The following SEMA5A variants were observed in gnomAD, a reference collection of about 807,000 sequenced individuals.
SEMA5A encodes semaphorin 5A.
A neutral mutation model predicts 135.5 loss-of-function variants in SEMA5A; 55 were observed. The ratio of observed to expected loss-of-function variants is 0.41; its 90% CI spans 0.33 to 0.51. The LOEUF is 0.51. Among genes scored for constraint, SEMA5A ranks in the 20% least tolerant of loss-of-function variants. The probability of loss-of-function intolerance (pLI) is 0.37; values close to 1 mark genes in which losing one functional copy is unlikely to be tolerated. For synonymous variants in SEMA5A, 580 were observed against 546.5 expected (o/e 1.06, Z -0.85); for missense variants, 1,290 against 1,419.9 (o/e 0.91, Z 1.47).
At chr5:9,487,941 G>A (rs1207135625) in intron 1 of SEMA5A, among the ~76,000 whole-genome samples, 1 of 152,094 alleles carries the variant, frequency 6.6e-6, no homozygotes, top group Non-Finnish European at 1.5e-5. Flanking sequence ...GTCATCTTGT[G>A]TTTGGGGGGC....
intron 5 of SEMA5A, among the ~76,000 whole-genome samples, chr5:9,271,003 G>A (rs866450824): frequency 2.0e-5 from 3 of 152,134 alleles, no homozygotes; most frequent in Middle Eastern, 3.4e-3. Context: ...AACTTGATAC[G>A]GTTTTGTTCT....
intron 14 of SEMA5A, among the ~76,000 whole-genome samples, chr5:9,121,022 C>A (rs763913939): frequency 2.6e-5 from 4 of 152,172 alleles, no homozygotes; most frequent in Non-Finnish European, 5.9e-5. Flanking sequence ...AGGTGATCTG[C>A]CCACCTCAGC....
intron 1 of SEMA5A, among the ~76,000 whole-genome samples, chr5:9,493,297 CTATA>C (rs1187898571): frequency 2.2e-5 from 3 of 138,812 alleles, no homozygotes; most frequent in East Asian, 4.9e-4. Flanking sequence ...ATCTATCTAT[CTATA>C]TATATAAAAC....
intron 2 of SEMA5A, among the ~76,000 whole-genome samples, chr5:9,420,015 C>A (rs548987901): frequency 2.0e-5 from 3 of 152,232 alleles, no homozygotes; most frequent in African/African-American, 7.2e-5. Flanking sequence ...CCTCGGTGGC[C>A]ATATTGGTTC....
At chr5:9,210,571 A>G (rs117748988) in intron 8 of SEMA5A, among the ~76,000 whole-genome samples, 1 of 152,322 alleles carries the variant, frequency 6.6e-6, no homozygotes, top group East Asian at 1.9e-4. Context: ...AGAGAGATGG[A>G]GGCCATTTGT....
chr5:9,320,635 T>C (rs1250259579), intron 4 of SEMA5A, among the ~76,000 whole-genome samples: 1 of 152,194 alleles, frequency 6.6e-6, no homozygotes, highest in Non-Finnish European at 1.5e-5. Context: ...GGAGGATCCA[T>C]TGAGCCTGGG....
intron 1 of SEMA5A, among the ~76,000 whole-genome samples, chr5:9,459,014 A>G (rs1011653119): frequency 6.6e-6 from 1 of 152,236 alleles, no homozygotes; most frequent in Non-Finnish European, 1.5e-5. Flanking sequence ...ACAAGAAAAT[A>G]TGAACCAGAA....
intron 13 of SEMA5A, among the ~76,000 whole-genome samples, chr5:9,127,084 C>T (rs186913054): frequency 4.6e-4 from 70 of 152,304 alleles, no homozygotes; most frequent in African/African-American, 1.6e-3. Flanking sequence ...AACTAAATTC[C>T]TCTCACAGTT....
intron 11 of SEMA5A, among the ~76,000 whole-genome samples, chr5:9,176,650 GT>G (rs1206674424): frequency 6.6e-6 from 1 of 152,190 alleles, no homozygotes; most frequent in Non-Finnish European, 1.5e-5. Context: ...CCCCTCTGAG[GT>G]TAGCTGTCCT....
At chr5:9,279,325 A>G (rs1460055719) in intron 5 of SEMA5A, among the ~76,000 whole-genome samples, 1 of 152,114 alleles carries the variant, frequency 6.6e-6, no homozygotes, top group Non-Finnish European at 1.5e-5. Context: ...TTGGGATGTG[A>G]ATATTTGCCC....
chr5:9,412,899 C>A (rs1757154787), intron 2 of SEMA5A, among the ~76,000 whole-genome samples: 1 of 152,114 alleles, frequency 6.6e-6, no homozygotes, highest in South Asian at 2.1e-4. Context: ...TAGAGATGCT[C>A]ATCCTGCATT....
At chr5:9,301,746 G>A (rs545715794) in intron 5 of SEMA5A, among the ~76,000 whole-genome samples, 3 of 152,312 alleles carry the variant, frequency 2.0e-5, no homozygotes, top group Admixed American at 2.0e-4. Context: ...TTATTCTCTT[G>A]TTGGGCTTCC....
In SEMA5A at chr5:9,041,673, GGCAGCACTGAAATAAAAGAA is replaced by G. The variant is rs1290536427; in HGVS notation, c.*1204_*1223del. 1.3e-5 allele frequency: 2 copies of G among 152,588 alleles called. No individual in the cohort carries two copies. The highest frequency in any genetic ancestry group is 2.4e-5 in the African/African-American group (1 of 41,530). The allele number at this position is 152,588 out of a possible 1,614,324, so 9.5% of individuals were successfully genotyped here. A position where few individuals can be genotyped will look rare whatever the true frequency, so the allele number is the denominator to read the frequency against. ...GGTGAATGGACTGGGTGGGTGGGAAGGCAGCACTGAAATAAAAGAAAAGGCACCAGAGCTGAGCATCTCCT... is the reference window on the plus strand; with the variant it reads ...GGTGAATGGACTGGGTGGGTGGGAAGAAGGCACCAGAGCTGAGCATCTCCT... On this transcript the variant is annotated 3_prime_UTR_variant, in exon 23 of 23. Coordinates refer to ENST00000382496, the MANE Select transcript of SEMA5A (RefSeq NM_003966.3).
chr5:9,486,493 G>A (rs991372079), intron 1 of SEMA5A, among the ~76,000 whole-genome samples: 2 of 152,096 alleles, frequency 1.3e-5, no homozygotes, highest in African/African-American at 4.8e-5. Context: ...GGGTTAAATT[G>A]CAAAGTTAAC....
intron 1 of SEMA5A, among the ~76,000 whole-genome samples, chr5:9,487,372 A>G (rs1368111547): frequency 6.6e-6 from 1 of 152,180 alleles, no homozygotes; most frequent in African/African-American, 2.4e-5. Flanking sequence ...CCAGGGAGTT[A>G]AAACCTTGGC....
At position 9,446,505 on chromosome 5, in the gene SEMA5A, T is replaced by C. The variant is rs112010651; in HGVS notation, c.-174-8653A>G. Among the ~76,000 whole-genome samples, 1,207 of 152,270 alleles carry C rather than the reference T, an allele frequency of 7.9e-3. 7 individuals carry two copies. Among genetic ancestry groups the C allele is most frequent in the Non-Finnish European group, 0.011 (779 of 68,030 alleles). On this transcript the variant is annotated intron_variant, in intron 1 of 22. Transcript: ENST00000382496. ...TTTCAAAAGGCCACCTCACTTTTCA[T>C]GCAGGCAATTTTGAAGAGCTTGCAC...
intron 13 of SEMA5A, among the ~76,000 whole-genome samples, chr5:9,123,258 C>CAAAAAAAAAAAAAAAAAAAAA (rs57533658): frequency 1.0e-4 from 4 of 38,944 alleles, no homozygotes; most frequent in African/African-American, 1.9e-4. Context: ...GACTCCGCCT[C>CAAAAAAAAAAAAAAAAAAAAA]AAAAAAAAAA....
In SEMA5A at chr5:9,109,275, C is replaced by T. The variant is rs1034712375; in HGVS notation, c.1926-988G>A. On this transcript the variant is annotated intron_variant, in intron 15 of 22. Coordinates refer to ENST00000382496, the MANE Select transcript of SEMA5A (RefSeq NM_003966.3). ...CGGGATGGTCTCAATCTCCTGACCTCGTGATCCGCCCGCCTCGGCCTCCCA... is the reference window on the plus strand; with the variant it reads ...CGGGATGGTCTCAATCTCCTGACCTTGTGATCCGCCCGCCTCGGCCTCCCA... 2.6e-5 allele frequency among the ~76,000 whole-genome samples: 4 copies of T among 151,936 alleles called. No homozygotes were observed. The South Asian group carries it at 6.2e-4, about 24-fold the overall frequency.
At position 9,324,169 on chromosome 5, in the gene SEMA5A, C is replaced by T. The variant is rs557523434; in HGVS notation, c.225-5752G>A. Among the ~76,000 whole-genome samples, 79 of 151,684 alleles carry T rather than the reference C, an allele frequency of 5.2e-4. No individual in the cohort carries two copies. In the Middle Eastern group the frequency reaches 0.014, roughly 26 times the overall value. ...CTGCAAGCTCTGCCTCCTGGGTTCA[C>T]GCCATTCTCCTGCCTCAGCCTCCCG... On this transcript the variant is annotated intron_variant, in intron 4 of 22. Transcript: ENST00000382496.
Sources: allele counts gnomAD v4.1 joint callset (sites outside exome capture counted in the v4.1 genomes callset), GRCh38; gene constraint gnomAD v4.1.1; transcripts MANE v1.5; gene names NCBI Gene and HGNC (gene_info 2026-07-23, HGNC 2026-07-21).